AGBL4: variants seen among roughly 807,000 people sequenced by gnomAD.
AGBL4 encodes AGBL carboxypeptidase 4.
A neutral mutation model predicts 66.4 loss-of-function variants in AGBL4; 58 were observed. That is an observed-to-expected ratio of 0.87 (90% CI 0.71 to 1.09). AGBL4 has a LOEUF of 1.09. Among genes scored for constraint, AGBL4 ranks in the 50% least tolerant of loss-of-function variants. The pLI, the probability that AGBL4 is intolerant of heterozygous loss-of-function variation, is 0.00. For missense variants in AGBL4, 579 were observed against 631.0 expected, an observed-to-expected ratio of 0.92 and a Z score of 0.88; for synonymous variants, 234 against 222.9, an observed-to-expected ratio of 1.05 and a Z score of -0.44.
intron 3 of AGBL4, among the ~76,000 whole-genome samples, chr1:49,474,575 A>C (rs1646810292): frequency 6.6e-6 from 1 of 151,528 alleles, no homozygotes; most frequent in Non-Finnish European, 1.5e-5. Flanking sequence ...TGAATTCTTG[A>C]CTTGGTTCTC....
At chr1:49,102,631 C>A (rs1645223574) in intron 4 of AGBL4, among the ~76,000 whole-genome samples, 1 of 152,092 alleles carries the variant, frequency 6.6e-6, no homozygotes, top group African/African-American at 2.4e-5. Context: ...ATAATAGGAT[C>A]TTAGTATCTG....
At chr1:48,675,708 C>T (rs750129703) in intron 6 of AGBL4, among the ~76,000 whole-genome samples, 3 of 152,190 alleles carry the variant, frequency 2.0e-5, no homozygotes, top group Non-Finnish European at 4.4e-5. Flanking sequence ...TGATATCACA[C>T]AGCAGTCACA....
At chr1:49,107,304 A>G (rs1645310551) in intron 4 of AGBL4, among the ~76,000 whole-genome samples, 1 of 152,180 alleles carries the variant, frequency 6.6e-6, no homozygotes, top group African/African-American at 2.4e-5. Flanking sequence ...CTGTAGGCAC[A>G]TTTAAGGTAG....
At chr1:49,815,926 T>C (rs1356592868) in intron 2 of AGBL4, among the ~76,000 whole-genome samples, 3 of 152,240 alleles carry the variant, frequency 2.0e-5, no homozygotes, top group Admixed American at 6.5e-5. Context: ...GGTCTTACTC[T>C]GTTGCCCAGG....
chr1:48,648,210 C>T (rs1033377878), intron 8 of AGBL4, among the ~76,000 whole-genome samples: 1 of 152,176 alleles, frequency 6.6e-6, no homozygotes, highest in African/African-American at 2.4e-5. Context: ...TAAATAGTAA[C>T]TCCCCATTTT....
intron 1 of AGBL4, among the ~76,000 whole-genome samples, chr1:49,867,527 C>T (rs1213904789): frequency 7.5e-6 from 1 of 133,888 alleles, no homozygotes; most frequent in Non-Finnish European, 1.5e-5. Flanking sequence ...GTGTAATGTT[C>T]CCCTTCCTGT....
At chr1:49,376,936 A>T (rs1231216103) in intron 3 of AGBL4, among the ~76,000 whole-genome samples, 2 of 152,136 alleles carry the variant, frequency 1.3e-5, no homozygotes, top group Non-Finnish European at 2.9e-5. Flanking sequence ...TAAGTGTTCA[A>T]TAAATGTTTG....
At chr1:49,562,214 T>C (rs1021815712) in intron 3 of AGBL4, among the ~76,000 whole-genome samples, 7 of 152,252 alleles carry the variant, frequency 4.6e-5, no homozygotes, top group African/African-American at 1.7e-4. Context: ...ATTAGCCCTC[T>C]GTCAGATAAG....
chr1:49,925,152 A>G (rs1652639451), intron 1 of AGBL4, among the ~76,000 whole-genome samples: 1 of 152,186 alleles, frequency 6.6e-6, no homozygotes, highest in Non-Finnish European at 1.5e-5. Context: ...GAGAAAAGGA[A>G]AAACAGGATT....
chr1:48,629,576 G>A (rs1645560931), intron 9 of AGBL4, among the ~76,000 whole-genome samples: 1 of 152,178 alleles, frequency 6.6e-6, no homozygotes, highest in African/African-American at 2.4e-5. Context: ...TAGGGACTGG[G>A]AAGACAAGGG....
At chr1:49,333,803 G>T (rs1418060071) in intron 3 of AGBL4, among the ~76,000 whole-genome samples, 1 of 152,156 alleles carries the variant, frequency 6.6e-6, no homozygotes, top group Non-Finnish European at 1.5e-5. Flanking sequence ...AACCCTCCTT[G>T]TTCAGTTTGG....
At chr1:49,559,429 A>C (rs539003617) in intron 3 of AGBL4, among the ~76,000 whole-genome samples, 1 of 152,258 alleles carries the variant, frequency 6.6e-6, no homozygotes, top group Non-Finnish European at 1.5e-5. Context: ...TTAAGTGTCA[A>C]CTTGATTGAA....
intron 8 of AGBL4, among the ~76,000 whole-genome samples, chr1:48,645,439 T>G (rs1645820310): frequency 6.6e-6 from 1 of 152,098 alleles, no homozygotes; most frequent in Admixed American, 6.5e-5. Flanking sequence ...ATGGGGGAGT[T>G]GCAGCTTAGC....
chr1:48,918,200 G>C (rs1388325538), intron 5 of AGBL4, among the ~76,000 whole-genome samples: 1 of 152,226 alleles, frequency 6.6e-6, no homozygotes, highest in Non-Finnish European at 1.5e-5. Context: ...CACTGCAGGG[G>C]TGGGGGCCTC....
At chr1:48,754,206 C>T (rs528086199) in intron 6 of AGBL4, among the ~76,000 whole-genome samples, 2 of 152,134 alleles carry the variant, frequency 1.3e-5, no homozygotes, top group Non-Finnish European at 2.9e-5. Context: ...GAGGAGAAAC[C>T]AAGAGAGACC....
At chr1:48,796,629 G>A (rs774889707) in intron 6 of AGBL4, among the ~76,000 whole-genome samples, 3 of 152,284 alleles carry the variant, frequency 2.0e-5, no homozygotes, top group Non-Finnish European at 4.4e-5. Context: ...GAGTACCCAC[G>A]TTCATCTGCC....
chr1:49,029,822 G>A (rs1275204326), intron 5 of AGBL4, among the ~76,000 whole-genome samples: 1 of 152,148 alleles, frequency 6.6e-6, no homozygotes, highest in Non-Finnish European at 1.5e-5. Context: ...CTGGCACAAG[G>A]ATAGACATAT....
In AGBL4 at chr1:49,586,647, A is replaced by AGACT. The variant is rs528902542; in HGVS notation, c.282+110662_282+110665dup. ...GCAACCATAATCAATAATCGTTTAG[A>AGACT]GACTGACTGACTGACTGAATGAATG... On this transcript the variant is annotated intron_variant, in intron 3 of 13. Coordinates refer to ENST00000371839, the MANE Select transcript of AGBL4 (RefSeq NM_032785.4). 1.9e-3 allele frequency among the ~76,000 whole-genome samples: 249 copies of AGACT among 131,152 alleles called. 1 individual carries two copies. The highest frequency in any genetic ancestry group is 5.3e-3 in the South Asian group (21 of 4,000). The allele number at this position is 131,152 out of a possible 152,430, so 86.0% of individuals were successfully genotyped here.
intron 11 of AGBL4, among the ~76,000 whole-genome samples, chr1:48,574,650 C>T (rs977261311): frequency 5.9e-5 from 9 of 151,884 alleles, no homozygotes; most frequent in East Asian, 3.9e-4. Context: ...ACCTCCTCCT[C>T]CCTCTAAGTT....
Sources: gnomAD v4.1 joint callset for allele counts (sites outside exome capture counted in the v4.1 genomes callset) on GRCh38, gnomAD v4.1.1 for gene constraint, MANE v1.5 for transcripts, NCBI Gene and HGNC (gene_info 2026-07-23, HGNC 2026-07-21) for gene names.